Variants in ANK3 observed in about 807,000 individuals in gnomAD.
ANK3 encodes the protein ankyrin 3, also known as ankyrin-3.
A neutral mutation model predicts 370.9 loss-of-function variants in ANK3; 57 were observed. The ratio of observed to expected loss-of-function variants is 0.15; its 90% CI spans 0.12 to 0.19. The LOEUF is 0.19. Among genes scored for constraint, ANK3 ranks in the 10% least tolerant of loss-of-function variants. The probability of loss-of-function intolerance (pLI) is 1.00; values close to 1 mark genes in which losing one functional copy is unlikely to be tolerated. For missense variants in ANK3, 4,439 were observed against 5,302.1 expected, an observed-to-expected ratio of 0.84 and a Z score of 5.06; for synonymous variants, 1,929 against 1,946.3, an observed-to-expected ratio of 0.99 and a Z score of 0.23.
chr10:60,157,201 C>T (rs796516227), intron 23 of ANK3, among the ~76,000 whole-genome samples: 16 of 152,084 alleles, frequency 1.1e-4, no homozygotes, highest in African/African-American at 3.1e-4. Context: ...CCACGCCTGG[C>T]TAATTTTGTA....
At chr10:60,707,050 C>T (rs1401890918) in intron 1 of ANK3, among the ~76,000 whole-genome samples, 2 of 152,094 alleles carry the variant, frequency 1.3e-5, no homozygotes, top group Non-Finnish European at 2.9e-5. Flanking sequence ...TATTCCTTCA[C>T]TCTAAATTCT....
Position 60,251,666 on chromosome 10 carries a change from G to C in ANK3, c.798+10193C>G, listed in dbSNP as rs149352194. Among the ~76,000 whole-genome samples, 580 of 152,282 alleles carry C rather than the reference G, an allele frequency of 3.8e-3. 3 individuals carry two copies. Among genetic ancestry groups the C allele is most frequent in the African/African-American group, 0.013 (544 of 41,534 alleles). On this transcript the variant is annotated intron_variant, in intron 7 of 43. Transcript: ENST00000280772. ...AGCAAGTAGAAGTGCATCATACTAG[G>C]GGGCAACATGCTGCCCCTGTCGGTA...
chr10:60,234,807 T>C, intron 7 of ANK3, 21 bp from the exon 8 acceptor site: 1 of 1,533,830 alleles, frequency 6.5e-7, no homozygotes, highest in Non-Finnish European at 9.0e-7. Flanking sequence ...GAGGAAAAAG[T>C]ACAGATTTGA....
Position 60,139,215 on chromosome 10 carries a change from G to C in ANK3, c.2615-128C>G, listed in dbSNP as rs1235323868. On this transcript the variant is annotated intron_variant, in intron 23 of 43. Transcript: ENST00000280772. ...CATATTCACCTTCCCCTATCACCTG[G>C]ATAATTTTTGAAACTCTCATTTAGA... is the stretch of plus-strand genomic sequence containing the variant. 21 of 1,125,518 alleles carry C rather than the reference G, an allele frequency of 1.9e-5. No homozygotes were observed. The East Asian group carries it at 4.9e-4, about 26-fold the overall frequency. 69.7% of individuals were successfully genotyped at this position (1,125,518 alleles called of 1,614,324 possible).
intron 2 of ANK3, among the ~76,000 whole-genome samples, chr10:60,445,458 A>G (rs1428772437): frequency 6.6e-6 from 1 of 151,542 alleles, no homozygotes; most frequent in East Asian, 1.9e-4. Context: ...ATCATAGTAA[A>G]TAGTTATTAA....
intron 4 of ANK3, among the ~76,000 whole-genome samples, chr10:60,271,180 TTTATTA>T (rs887248913): frequency 1.3e-5 from 2 of 152,096 alleles, no homozygotes; most frequent in Non-Finnish European, 2.9e-5. Flanking sequence ...CTATAATTCT[TTTATTA>T]TTATTATTTT....
chr10:60,244,854 T>C (rs989338095), intron 7 of ANK3, among the ~76,000 whole-genome samples: 1 of 152,210 alleles, frequency 6.6e-6, no homozygotes, highest in Non-Finnish European at 1.5e-5. Context: ...AATAAATGTT[T>C]GATAAATTCT....
intron 1 of ANK3, 32 bp downstream of exon 1, chr10:60,389,393 G>A: frequency 1.3e-6 from 2 of 1,597,702 alleles, no homozygotes; most frequent in South Asian, 2.2e-5. Context: ...AAAGAATCCA[G>A]GCAAGATATA....
At chr10:60,380,325 A>G (rs1257335365) in intron 1 of ANK3, among the ~76,000 whole-genome samples, 1 of 152,168 alleles carries the variant, frequency 6.6e-6, no homozygotes, top group Admixed American at 6.6e-5. Context: ...ATGGTCCAGG[A>G]AAGACTCATC....
At chr10:60,671,226 A>G (rs1345200740) in intron 1 of ANK3, among the ~76,000 whole-genome samples, 1 of 151,982 alleles carries the variant, frequency 6.6e-6, no homozygotes, top group Admixed American at 6.5e-5. Context: ...GACTCCGCTT[A>G]CCTCCCCACC....
At chr10:60,092,158 C>CG (rs1422774958) in intron 28 of ANK3, among the ~76,000 whole-genome samples, 2 of 152,004 alleles carry the variant, frequency 1.3e-5, no homozygotes, top group African/African-American at 4.8e-5. Flanking sequence ...GGGAGTATTA[C>CG]CCTTGGGTTG....
At chr10:60,327,983 T>C (rs796143079) in intron 1 of ANK3, among the ~76,000 whole-genome samples, 4 of 152,272 alleles carry the variant, frequency 2.6e-5, no homozygotes, top group African/African-American at 9.6e-5. Context: ...GTATTTTACA[T>C]ACTCTTGGGT....
rs188446059 is a variant in ANK3 at position 60,314,856 on chromosome 10, T to C, written c.115-35217A>G. On this transcript the variant is annotated intron_variant, in intron 1 of 43. Transcript: ENST00000280772. ...ATATTGGCAACTAATTTAAAAAAAC[T>C]GGACATAAACTATGAAGGGAAGATC... Among the ~76,000 whole-genome samples the C allele has an allele frequency of 2.7e-3, 406 of 152,314 alleles. 7 individuals carry two copies. The highest frequency in any genetic ancestry group is 4.8e-3 in the Non-Finnish European group (324 of 68,020).
intron 2 of ANK3, among the ~76,000 whole-genome samples, chr10:60,461,406 A>G (rs2064880578): frequency 6.6e-6 from 1 of 152,174 alleles, no homozygotes; most frequent in Admixed American, 6.6e-5. Context: ...ACTGGATCAA[A>G]ATGATATTTT....
At chr10:60,042,253 A>C (rs1024053311) in intron 43 of ANK3, among the ~76,000 whole-genome samples, 16 of 152,246 alleles carry the variant, frequency 1.1e-4, no homozygotes, top group Non-Finnish European at 1.5e-5. Context: ...AACCAAAATG[A>C]TATCCTCAGA....
chr10:60,297,696 A>G (rs1327840227), intron 1 of ANK3, among the ~76,000 whole-genome samples: 1 of 152,160 alleles, frequency 6.6e-6, no homozygotes, highest in Non-Finnish European at 1.5e-5. Context: ...TTGGTCTTAC[A>G]GATAACTTAA....
intron 43 of ANK3, among the ~76,000 whole-genome samples, chr10:60,031,221 AC>A (rs2073449863): frequency 1.3e-5 from 2 of 152,198 alleles, no homozygotes; most frequent in African/African-American, 2.4e-5. Flanking sequence ...ACAAACTTCT[AC>A]CACTGCAAAG....
intron 2 of ANK3, among the ~76,000 whole-genome samples, chr10:60,486,240 T>G (rs1375658459): frequency 6.6e-6 from 1 of 152,232 alleles, no homozygotes; most frequent in Non-Finnish European, 1.5e-5. Flanking sequence ...GAATAAAAAG[T>G]TGCTGATTAG....
intron 28 of ANK3, among the ~76,000 whole-genome samples, chr10:60,096,522 T>G (rs1445210942): frequency 6.6e-6 from 1 of 152,182 alleles, no homozygotes; most frequent in East Asian, 1.9e-4. Context: ...TAAGAAACAA[T>G]CGTACTACAT....
Sources: gnomAD v4.1 joint callset for allele counts (sites outside exome capture counted in the v4.1 genomes callset) on GRCh38, gnomAD v4.1.1 for gene constraint, MANE v1.5 for transcripts, NCBI Gene and HGNC (gene_info 2026-07-23, HGNC 2026-07-21) for gene names.